Variants in MYH11 observed in about 807,000 individuals in gnomAD.
The protein encoded by MYH11 is myosin-11.
In MYH11, 80 loss-of-function variants were observed where a neutral mutation model predicts 246.6. That is an observed-to-expected ratio of 0.32 (90% CI 0.27 to 0.39). The LOEUF (loss-of-function observed/expected upper bound fraction) is 0.39. Among genes scored for constraint, MYH11 ranks in the 10% least tolerant of loss-of-function variants. MYH11 has a pLI of 1.00. For missense variants in MYH11, 2,158 were observed against 2,546.8 expected (o/e 0.85, Z 3.29); for synonymous variants, 1,071 against 1,015.5 (o/e 1.05, Z -1.04).
intron 34 of MYH11, 32 bp downstream of exon 34, chr16:15,720,119 C>T (rs770772901): frequency 2.5e-6 from 4 of 1,614,000 alleles, no homozygotes. Context: ...GCCCTCCCTC[C>T]ACCCATGCCC....
intron 2 of MYH11, among the ~76,000 whole-genome samples, chr16:15,830,961 C>A (rs941191777): frequency 1.3e-4 from 20 of 152,118 alleles, no homozygotes; most frequent in Non-Finnish European, 2.5e-4. Context: ...CACCTGAGGT[C>A]AGGAGATCGA....
chr16:15,792,346 C>A (rs563938099), intron 4 of MYH11: 1 of 152,298 alleles, frequency 6.6e-6, no homozygotes, highest in African/African-American at 2.4e-5. Context: ...CCACTGTGCC[C>A]ACCTATTATT....
At chr16:15,762,387 A>G (rs2041888117) in intron 10 of MYH11, among the ~76,000 whole-genome samples, 1 of 152,176 alleles carries the variant, frequency 6.6e-6, no homozygotes, top group African/African-American at 2.4e-5. Flanking sequence ...GTTTGAAATT[A>G]TGGTTTAGGA....
intron 1 of MYH11, among the ~76,000 whole-genome samples, chr16:15,852,525 G>C (rs117917677): frequency 6.6e-6 from 1 of 151,914 alleles, no homozygotes; most frequent in African/African-American, 2.4e-5. Context: ...TAGAGATAGG[G>C]TTTAGCAGAG....
intron 3 of MYH11, among the ~76,000 whole-genome samples, chr16:15,805,434 T>A (rs1482247496): frequency 6.6e-6 from 1 of 152,200 alleles, no homozygotes; most frequent in African/African-American, 2.4e-5. Flanking sequence ...GGAATGATAA[T>A]AGGCCATCTA....
At chr16:15,704,478 C>A (rs1046956318) in intron 40 of MYH11, among the ~76,000 whole-genome samples, 9 of 152,114 alleles carry the variant, frequency 5.9e-5, no homozygotes, top group African/African-American at 2.2e-4. Flanking sequence ...AGGAAAAAAA[C>A]GCCAAAAACC....
intron 24 of MYH11, among the ~76,000 whole-genome samples, chr16:15,738,306 G>A (rs970755528): frequency 2.0e-5 from 3 of 151,942 alleles, no homozygotes; most frequent in African/African-American, 7.2e-5. Context: ...AGGAGTTTGA[G>A]ACTAGACTGA....
chr16:15,760,550 G>C lies in MYH11; in HGVS notation c.1238C>G (p.Thr413Arg), dbSNP rs1406368749. Residue 413 changes from threonine (T) to arginine (R), a missense_variant, in exon 11 of 41, where the codon ACA (threonine) becomes AGA (arginine). Thr to Arg is a moderately conservative substitution (Grantham distance 71, BLOSUM62 -1). This residue lies in a region of MYH11 where 317 missense variants were observed against 507.7 expected (regional missense o/e 0.62). Coordinates refer to ENST00000300036, the MANE Select transcript of MYH11 (RefSeq NM_002474.3). ...TAAGTACATCATTACCTGTTCTTTT[G>C]TCTGAGCTTTCTGTACCACATCTCG... ...VGRDVVQKAQ[T>R]KEQADFAVEA... 6.2e-7 allele frequency: 1 copy of C among 1,609,134 alleles called. No individual in the cohort carries two copies. Among genetic ancestry groups the C allele is most frequent in the Non-Finnish European group, 8.5e-7 (1 of 1,175,556 alleles).
chr16:15,735,558 T>C lies in MYH11; in HGVS notation c.3314A>G (p.Gln1105Arg). 1.2e-6 allele frequency: 2 copies of C among 1,614,218 alleles called. No individual in the cohort carries two copies. The highest frequency in any genetic ancestry group is 1.7e-6 in the Non-Finnish European group (2 of 1,180,040). ...GATCTTCTTCAGGGCATTGTTCTTC[T>C]GAGCGATTTCATCGTCAAGCCTTCC... is the stretch of plus-strand genomic sequence containing the variant. ...ALARLDDEIA[Q>R]KNNALKKIRE... The change falls in exon 26 of 41, where the codon CAG (glutamine) becomes CGG (arginine). Residue 1105 changes from glutamine to arginine, a missense_variant. Coordinates refer to ENST00000300036, the MANE Select transcript of MYH11 (RefSeq NM_002474.3).
In MYH11 at chr16:15,724,684, T is replaced by C. The variant is rs2040659441; in HGVS notation, c.4079A>G (p.Gln1360Arg). The C allele has an allele frequency of 1.2e-6, 2 of 1,614,210 alleles. No individual in the cohort carries two copies. The highest frequency in any genetic ancestry group is 4.5e-5 in the East Asian group (2 of 44,876). ...DQLDEEMEAKQNLERHISTLN... is the reference protein window; with the variant it reads ...DQLDEEMEAKRNLERHISTLN... Reference sequence around the variant, plus strand: ...AGTGGAGATGTGGCGCTCCAGGTTCTGCTTGGCCTCCATCTCCTCGTCCAG... The same window carrying C: ...AGTGGAGATGTGGCGCTCCAGGTTCCGCTTGGCCTCCATCTCCTCGTCCAG... The change falls in exon 30 of 41, where the codon CAG becomes CGG. Residue 1360 changes from glutamine (Q) to arginine (R), a missense_variant. This residue lies in a region of MYH11 where 1,013 missense variants were observed against 993.5 expected (regional missense o/e 1.02). Coordinates refer to ENST00000300036, the MANE Select transcript of MYH11 (RefSeq NM_002474.3).
chr16:15,723,240 ACT>A (rs1304314310), intron 31 of MYH11, among the ~76,000 whole-genome samples: 27 of 152,302 alleles, frequency 1.8e-4, no homozygotes, highest in South Asian at 1.0e-3. Flanking sequence ...TTAAAAATAA[ACT>A]CTAATTAATA....
At chr16:15,845,474 G>A (rs2044163280) in intron 1 of MYH11, among the ~76,000 whole-genome samples, 2 of 152,070 alleles carry the variant, frequency 1.3e-5, no homozygotes, top group South Asian at 4.1e-4. Context: ...GTGACTCTAA[G>A]CCACTTCGCT....
chr16:15,781,689 T>G (rs1176035360), intron 6 of MYH11, among the ~76,000 whole-genome samples: 2 of 152,186 alleles, frequency 1.3e-5, no homozygotes, highest in Non-Finnish European at 2.9e-5. Flanking sequence ...TGGGGGAGTG[T>G]GCATGGGAAG....
intron 1 of MYH11, among the ~76,000 whole-genome samples, chr16:15,848,892 G>T (rs1403995549): frequency 6.6e-6 from 1 of 152,112 alleles, no homozygotes; most frequent in Non-Finnish European, 1.5e-5. Context: ...CCGCCAGTTG[G>T]CCCAACCCCA....
At position 15,721,565 on chromosome 16, in the gene MYH11, T is replaced by G. The variant is rs1298414472; in HGVS notation, c.4435A>C (p.Arg1479=). 6.2e-7 allele frequency: 1 copy of G among 1,614,238 alleles called. No homozygotes were observed. The highest frequency in any genetic ancestry group is 1.3e-5 in the African/African-American group (1 of 75,070). ...DERDRAEAEA[R]EKETKALSLA... is the part of the protein sequence containing the mutation. ...GACAGGGCCTTGGTTTCCTTCTCCC[T>G]GGCTTCTGCCTCAGCTCTGTCCCTC... The change falls in exon 32 of 41, where the codon AGG becomes CGG. Residue 1479 remains arginine, a synonymous_variant. Transcript: ENST00000300036.
intron 3 of MYH11, among the ~76,000 whole-genome samples, chr16:15,800,180 G>C (rs543169649): frequency 6.6e-6 from 1 of 151,632 alleles, no homozygotes; most frequent in Non-Finnish European, 1.5e-5. Flanking sequence ...GGATGGGCAA[G>C]TGAGTGGAAG....
chr16:15,856,828 G>C (rs1006599930), intron 1 of MYH11, 113 bp downstream of exon 1: 17 of 151,966 alleles, frequency 1.1e-4, no homozygotes, highest in Admixed American at 2.0e-4. Flanking sequence ...TGGCCCTTAC[G>C]AGGTTGACAA....
At chr16:15,816,017 C>T (rs985942741) in intron 3 of MYH11, among the ~76,000 whole-genome samples, 6 of 152,186 alleles carry the variant, frequency 3.9e-5, no homozygotes, top group Non-Finnish European at 8.8e-5. Context: ...ACTAAACTAT[C>T]CTTTAAGTGT....
intron 31 of MYH11, among the ~76,000 whole-genome samples, chr16:15,722,010 A>C (rs1461716024): frequency 1.3e-5 from 2 of 152,028 alleles, no homozygotes; most frequent in Non-Finnish European, 2.9e-5. Flanking sequence ...GGTGCCCACC[A>C]CCACACCTGG....
Sources: gnomAD v4.1 joint callset for allele counts (sites outside exome capture counted in the v4.1 genomes callset) on GRCh38, gnomAD v4.1.1 for gene constraint, gnomAD v4.1.1 regional missense constraint, MANE v1.5 for transcripts, NCBI Gene and HGNC (gene_info 2026-07-23, HGNC 2026-07-21) for gene names.